Variants in CRTAC1 observed in about 807,000 individuals in gnomAD.
CRTAC1 encodes the protein cartilage acidic protein 1.
Under a neutral mutation model 67.8 loss-of-function variants are expected in CRTAC1, and 37 were observed. The ratio of observed to expected loss-of-function variants is 0.55; its 90% CI spans 0.42 to 0.72. The LOEUF (loss-of-function observed/expected upper bound fraction) is 0.72, where lower values mean the gene tolerates loss of function less well. Ranked by LOEUF, CRTAC1 falls within the 30% of genes least tolerant of loss-of-function variation. The probability of loss-of-function intolerance (pLI) is 0.00; values close to 1 mark genes in which losing one functional copy is unlikely to be tolerated. For missense variants in CRTAC1, 780 were observed against 931.6 expected (o/e 0.84, Z 2.12); for synonymous variants, 348 against 371.0 (o/e 0.94, Z 0.71).
intron 11 of CRTAC1, among the ~76,000 whole-genome samples, chr10:97,886,943 C>T (rs911708014): frequency 4.0e-5 from 6 of 151,854 alleles, no homozygotes; most frequent in Non-Finnish European, 8.8e-5. Flanking sequence ...CCACACCCGG[C>T]CAGATTTCTT....
intron 13 of CRTAC1, among the ~76,000 whole-genome samples, chr10:97,882,469 G>A (rs1291146034): frequency 6.6e-6 from 1 of 152,138 alleles, no homozygotes; most frequent in Non-Finnish European, 1.5e-5. Context: ...TGCTGGCCAT[G>A]GCATGTGGCT....
chr10:97,961,727 T>C (rs2051528926), intron 2 of CRTAC1, among the ~76,000 whole-genome samples: 2 of 152,178 alleles, frequency 1.3e-5, no homozygotes, highest in South Asian at 2.1e-4. Context: ...AATTTAAACA[T>C]AGACTTCCAA....
rs1449504867 is a variant in CRTAC1 at position 97,897,728 on chromosome 10, T to G, written c.1134-737A>C. Among the ~76,000 whole-genome samples the G allele has an allele frequency of 7.9e-5, 12 of 152,366 alleles. No individual in the cohort carries two copies. The East Asian group carries it at 2.1e-3, about 27-fold the overall frequency. ...TGCTAGAAAAGTCCTGCTCTTTCTC[T>G]GCACTCAGCTGATGATGGCAGTGAG... On this transcript the variant is annotated intron_variant, in intron 8 of 14. Coordinates refer to ENST00000370597, the MANE Select transcript of CRTAC1 (RefSeq NM_018058.7).
chr10:98,023,573 C>T (rs7909906), intron 1 of CRTAC1, among the ~76,000 whole-genome samples: 1 of 152,268 alleles, frequency 6.6e-6, no homozygotes, highest in South Asian at 2.1e-4. Flanking sequence ...TGGATATACA[C>T]AGCTTCTCAG....
chr10:97,996,029 T>C (rs1248130345), intron 2 of CRTAC1, among the ~76,000 whole-genome samples: 4 of 152,112 alleles, frequency 2.6e-5, no homozygotes, highest in Non-Finnish European at 5.9e-5. Flanking sequence ...GTGTTAGCCA[T>C]ATGTAGAAAG....
At chr10:97,912,685 G>A (rs182076862) in intron 5 of CRTAC1, among the ~76,000 whole-genome samples, 14 of 152,332 alleles carry the variant, frequency 9.2e-5, no homozygotes, top group African/African-American at 3.1e-4. Flanking sequence ...AGGACCCAGG[G>A]ATGAGGCAGC....
chr10:98,011,864 C>T (rs528440202), intron 1 of CRTAC1, among the ~76,000 whole-genome samples: 17 of 152,220 alleles, frequency 1.1e-4, no homozygotes, highest in Non-Finnish European at 2.1e-4. Flanking sequence ...AAAGACTGGG[C>T]GAATGAAGAA....
At chr10:97,936,055 TA>T (rs2051081163) in intron 3 of CRTAC1, 114 bp downstream of exon 3, 2 of 988,482 alleles carry the variant, frequency 2.0e-6, no homozygotes, top group South Asian at 1.7e-5. Flanking sequence ...GGGCAGTGCC[TA>T]GGGGGACAAT....
intron 11 of CRTAC1, among the ~76,000 whole-genome samples, chr10:97,888,097 T>C (rs2050313261): frequency 6.6e-6 from 1 of 152,192 alleles, no homozygotes; most frequent in African/African-American, 2.4e-5. Context: ...ACTGTGCCCC[T>C]GTTACACTGC....
intron 2 of CRTAC1, among the ~76,000 whole-genome samples, chr10:97,943,677 C>T (rs1321149325): frequency 3.3e-5 from 5 of 152,230 alleles, no homozygotes; most frequent in African/African-American, 1.2e-4. Context: ...TAGTCTAAAG[C>T]AGGGATCAGC....
chr10:98,001,213 T>C (rs1842682234), intron 2 of CRTAC1, among the ~76,000 whole-genome samples: 1 of 152,106 alleles, frequency 6.6e-6, no homozygotes, highest in Non-Finnish European at 1.5e-5. Context: ...TAGTAGGATA[T>C]TACAAAGCAA....
chr10:97,901,267 C>T (rs1209369064), intron 8 of CRTAC1, among the ~76,000 whole-genome samples: 2 of 152,256 alleles, frequency 1.3e-5, no homozygotes, highest in Non-Finnish European at 2.9e-5. Flanking sequence ...CCTTCCCTTT[C>T]CCTGCAATAG....
intron 2 of CRTAC1, among the ~76,000 whole-genome samples, chr10:97,937,820 C>T (rs925998393): frequency 2.0e-5 from 3 of 152,198 alleles, no homozygotes; most frequent in Admixed American, 6.5e-5. Flanking sequence ...ATGGAACAGA[C>T]CCCATCCACA....
chr10:98,013,241 T>C (rs1289594056), intron 1 of CRTAC1, among the ~76,000 whole-genome samples: 2 of 152,068 alleles, frequency 1.3e-5, no homozygotes, highest in African/African-American at 4.8e-5. Context: ...GCAATGGGCA[T>C]GGAAGAGAAA....
intron 2 of CRTAC1, among the ~76,000 whole-genome samples, chr10:97,962,389 C>T (rs1033154797): frequency 2.6e-5 from 4 of 152,182 alleles, no homozygotes; most frequent in Admixed American, 2.0e-4. Context: ...TGCAGATCAC[C>T]GTTTAGTGCA....
chr10:97,982,971 T>C (rs557440460), intron 2 of CRTAC1, among the ~76,000 whole-genome samples: 14 of 152,312 alleles, frequency 9.2e-5, no homozygotes, highest in Admixed American at 8.5e-4. Flanking sequence ...CGATGGTCAG[T>C]TGCTAGCAAT....
intron 1 of CRTAC1, among the ~76,000 whole-genome samples, chr10:98,011,717 G>A (rs1842912760): frequency 6.6e-6 from 1 of 152,158 alleles, no homozygotes; most frequent in South Asian, 2.1e-4. Context: ...TATGCAGCAA[G>A]CCAAAGGTAG....
At chr10:98,028,459 G>A (rs550189375) in intron 1 of CRTAC1, among the ~76,000 whole-genome samples, 3 of 152,308 alleles carry the variant, frequency 2.0e-5, no homozygotes, top group Admixed American at 6.5e-5. Flanking sequence ...GCTGTCACAA[G>A]CTGTTTAGTA....
chr10:97,879,797 T>C lies in CRTAC1; in HGVS notation c.1819+452A>G, dbSNP rs760551727. 49 of 1,547,152 alleles carry C rather than the reference T, an allele frequency of 3.2e-5. 1 individual carries two copies. Among genetic ancestry groups the C allele is most frequent in the Non-Finnish European group, 6.1e-6 (7 of 1,146,512 alleles). On this transcript the variant is annotated intron_variant, in intron 14 of 14. Coordinates refer to ENST00000370597, the MANE Select transcript of CRTAC1 (RefSeq NM_018058.7). ...AAGAATACCCACCTAAAAAGGCCAC[T>C]TGAGCTGCAAAAACGATGCGGCGGG...
Sources: allele counts gnomAD v4.1 joint callset (sites outside exome capture counted in the v4.1 genomes callset), GRCh38; gene constraint gnomAD v4.1.1; transcripts MANE v1.5; gene names NCBI Gene and HGNC (gene_info 2026-07-23, HGNC 2026-07-21).